PTPRM: variants seen among roughly 807,000 people sequenced by gnomAD.
The protein encoded by PTPRM is receptor-type tyrosine-protein phosphatase mu.
In PTPRM, 47 loss-of-function variants were observed where a neutral mutation model predicts 186.7. That is an observed-to-expected ratio of 0.25 (90% CI 0.20 to 0.32). The LOEUF (loss-of-function observed/expected upper bound fraction) is 0.32, where lower values mean the gene tolerates loss of function less well. PTPRM is among the 10% of genes least tolerant of loss of function. The probability of loss-of-function intolerance (pLI) is 1.00; values close to 1 mark genes in which losing one functional copy is unlikely to be tolerated. For missense variants in PTPRM, 1,494 were observed against 1,865.0 expected, an observed-to-expected ratio of 0.80 and a Z score of 3.66; for synonymous variants, 668 against 674.9, an observed-to-expected ratio of 0.99 and a Z score of 0.16.
chr18:7,663,980 C>A (rs939462069), intron 1 of PTPRM, among the ~76,000 whole-genome samples: 1 of 152,208 alleles, frequency 6.6e-6, no homozygotes, highest in African/African-American at 2.4e-5. Context: ...GGGCCCGCCA[C>A]CTCAACCCAC....
intron 24 of PTPRM, among the ~76,000 whole-genome samples, chr18:8,374,537 A>G (rs1323632053): frequency 2.0e-5 from 3 of 152,162 alleles, no homozygotes; most frequent in African/African-American, 7.2e-5. Flanking sequence ...TATGTTTTCT[A>G]AGGGAGACCA....
At chr18:8,350,888 AG>A (rs1352792681) in intron 23 of PTPRM, among the ~76,000 whole-genome samples, 1 of 151,164 alleles carries the variant, frequency 6.6e-6, no homozygotes, top group Non-Finnish European at 1.5e-5. Flanking sequence ...GGAGCTCTCC[AG>A]GAAAACCCCT....
At chr18:8,097,337 A>G (rs935554259) in intron 11 of PTPRM, among the ~76,000 whole-genome samples, 5 of 152,136 alleles carry the variant, frequency 3.3e-5, no homozygotes, top group Non-Finnish European at 7.3e-5. Context: ...TTTGACATGT[A>G]TGTATGGCCC....
At chr18:7,634,396 A>G (rs972626774) in intron 1 of PTPRM, among the ~76,000 whole-genome samples, 3 of 152,140 alleles carry the variant, frequency 2.0e-5, no homozygotes, top group Admixed American at 2.0e-4. Context: ...TCTTTGGGCC[A>G]TTACTGTTTG....
At chr18:7,677,077 A>T (rs183132947) in intron 1 of PTPRM, among the ~76,000 whole-genome samples, 108 of 152,232 alleles carry the variant, frequency 7.1e-4, no homozygotes, top group African/African-American at 2.3e-3. Flanking sequence ...CAAGTGTAAT[A>T]TTCTATTCCT....
chr18:8,338,579 T>G (rs182968313), intron 22 of PTPRM, among the ~76,000 whole-genome samples: 67 of 152,282 alleles, frequency 4.4e-4, no homozygotes, highest in African/African-American at 1.4e-3. Context: ...TCACTAGCTG[T>G]GTGACCTTAG....
At chr18:7,772,397 TTCTTTCTTTC>T (rs1340319764) in intron 1 of PTPRM, among the ~76,000 whole-genome samples, 1 of 142,786 alleles carries the variant, frequency 7.0e-6, no homozygotes, top group Non-Finnish European at 1.5e-5. Flanking sequence ...CTTTCTTTCT[TTCTTTCTTTC>T]TTTCTTTTCT....
chr18:8,224,483 T>C (rs1051919892), intron 14 of PTPRM, among the ~76,000 whole-genome samples: 1 of 152,236 alleles, frequency 6.6e-6, no homozygotes, highest in African/African-American at 2.4e-5. Context: ...TTCATTTCTC[T>C]ACAGATTGCC....
chr18:7,796,207 C>T (rs963196494), intron 2 of PTPRM, among the ~76,000 whole-genome samples: 12 of 151,884 alleles, frequency 7.9e-5, no homozygotes, highest in South Asian at 6.2e-4. Context: ...TACACATTAA[C>T]GGATGTTCAC....
At chr18:7,847,766 C>T (rs2046668917) in intron 2 of PTPRM, among the ~76,000 whole-genome samples, 1 of 152,186 alleles carries the variant, frequency 6.6e-6, no homozygotes, top group African/African-American at 2.4e-5. Context: ...GAGGGTCACC[C>T]ATCCAAACCC....
At chr18:7,888,458 C>T (rs1335930862) in intron 3 of PTPRM, 81 bp downstream of exon 3, 6 of 1,421,486 alleles carry the variant, frequency 4.2e-6, no homozygotes, top group East Asian at 2.5e-5. Context: ...TCATTATAAT[C>T]AGAAAAGGTT....
chr18:7,809,452 C>T (rs900450978), intron 2 of PTPRM, among the ~76,000 whole-genome samples: 11 of 152,146 alleles, frequency 7.2e-5, no homozygotes, highest in Non-Finnish European at 1.2e-4. Context: ...CCGCTCTTCT[C>T]CCCTAGACCA....
At chr18:8,157,707 A>G (rs2093151219) in intron 14 of PTPRM, among the ~76,000 whole-genome samples, 1 of 152,350 alleles carries the variant, frequency 6.6e-6, no homozygotes, top group South Asian at 2.1e-4. Flanking sequence ...TTCTCTGCAG[A>G]TAAGTAAACC....
At chr18:8,293,076 T>C (rs576224664) in intron 19 of PTPRM, among the ~76,000 whole-genome samples, 3 of 152,262 alleles carry the variant, frequency 2.0e-5, no homozygotes, top group Admixed American at 1.3e-4. Context: ...GAGGATCAGG[T>C]GAGAGGATGG....
chr18:7,772,328 CTTTCT>C (rs536333298), intron 1 of PTPRM, among the ~76,000 whole-genome samples: 8 of 139,242 alleles, frequency 5.7e-5, no homozygotes, highest in Non-Finnish European at 1.6e-5. Context: ...TCCCTTCGTT[CTTTCT>C]TTTCTTTCTT....
chr18:7,602,933 A>C (rs1179178586), intron 1 of PTPRM, among the ~76,000 whole-genome samples: 1 of 147,464 alleles, frequency 6.8e-6, no homozygotes, highest in Non-Finnish European at 1.5e-5. Flanking sequence ...TATTATTATT[A>C]TTATTATTAT....
chr18:8,332,444 A>G (rs1412989718), intron 22 of PTPRM, among the ~76,000 whole-genome samples: 2 of 152,210 alleles, frequency 1.3e-5, no homozygotes, highest in Non-Finnish European at 2.9e-5. Context: ...CCAGAAACAA[A>G]CATTCCATGA....
At chr18:7,731,460 CATAGA>C (rs1242146735) in intron 1 of PTPRM, among the ~76,000 whole-genome samples, 1 of 152,086 alleles carries the variant, frequency 6.6e-6, no homozygotes, top group Non-Finnish European at 1.5e-5. Context: ...GTTTTAGGGC[CATAGA>C]ATAGTAGAGT....
chr18:7,992,816 G>A (rs1266822480), intron 7 of PTPRM, among the ~76,000 whole-genome samples: 4 of 152,012 alleles, frequency 2.6e-5, no homozygotes, highest in African/African-American at 9.7e-5. Context: ...ACCTTCTAAT[G>A]TTAAATATTG....
Sources: gnomAD v4.1 joint callset for allele counts (sites outside exome capture counted in the v4.1 genomes callset) on GRCh38, gnomAD v4.1.1 for gene constraint, MANE v1.5 for transcripts, NCBI Gene and HGNC (gene_info 2026-07-23, HGNC 2026-07-21) for gene names.